The following ZNF605 variants were observed in gnomAD, a reference collection of about 807,000 sequenced individuals.
ZNF605 encodes zinc finger protein 605.
Under a neutral mutation model 7.9 loss-of-function variants are expected in ZNF605, and 9 were observed. That is an observed-to-expected ratio of 1.14 (90% CI 0.68 to 1.98). ZNF605 has a LOEUF of 1.98. Among genes scored for constraint, ZNF605 ranks in the 30% most tolerant of loss-of-function variants. The pLI, the probability that ZNF605 is intolerant of heterozygous loss-of-function variation, is 0.00. For synonymous variants in ZNF605, 255 were observed against 260.1 expected (o/e 0.98, Z 0.19); for missense variants, 673 against 762.4 (o/e 0.88, Z 1.38).
intron 1 of ZNF605, among the ~76,000 whole-genome samples, chr12:132,951,746 A>T (rs1175428550): frequency 6.6e-6 from 1 of 151,958 alleles, no homozygotes; most frequent in Non-Finnish European, 1.5e-5. Context: ...ACACATACAC[A>T]TGTACAACAC....
At chr12:132,950,053 G>A (rs373977578) in intron 1 of ZNF605, among the ~76,000 whole-genome samples, 1 of 151,882 alleles carries the variant, frequency 6.6e-6, no homozygotes, top group Admixed American at 6.6e-5. Context: ...CACAGAGGTC[G>A]GGGGCTCTAC....
intron 4 of ZNF605, among the ~76,000 whole-genome samples, chr12:132,931,050 G>T (rs1952303709): frequency 1.3e-5 from 2 of 152,138 alleles, no homozygotes; most frequent in Admixed American, 1.3e-4. Context: ...TTAGCTTGGT[G>T]TGGTGGTAGT....
chr12:132,930,893 A>G (rs1350238228), intron 4 of ZNF605, among the ~76,000 whole-genome samples: 1 of 152,076 alleles, frequency 6.6e-6, no homozygotes, highest in African/African-American at 2.4e-5. Context: ...CTGTAATCTC[A>G]GTTTCCCTGC....
chr12:132,937,826 G>A (rs1952383770), intron 3 of ZNF605, among the ~76,000 whole-genome samples: 1 of 152,184 alleles, frequency 6.6e-6, no homozygotes, highest in African/African-American at 2.4e-5. Context: ...TGAATGGATA[G>A]AGACTGTGGC....
Position 132,927,035 on chromosome 12 carries a change from T to C in ZNF605, c.264A>G (p.Val88=). 1.2e-6 allele frequency: 2 copies of C among 1,609,350 alleles called. No homozygotes were observed. The highest frequency in any genetic ancestry group is 1.7e-6 in the Non-Finnish European group (2 of 1,179,906). ...IFNSSINIVH[V]GLRSHKCGTG... Reference sequence around the variant, plus strand: ...TGCCACATTTATGGGATCGCAGTCCTACATGAACAATGTTTATGCTTGAAT... The same window carrying C: ...TGCCACATTTATGGGATCGCAGTCCCACATGAACAATGTTTATGCTTGAAT... Residue 88 remains valine (V), a synonymous_variant, in exon 5 of 5, where the codon GTA becomes GTG. Coordinates refer to ENST00000360187, the MANE Select transcript of ZNF605 (RefSeq NM_183238.4).
At chr12:132,948,826 C>T (rs1339983204) in intron 1 of ZNF605, among the ~76,000 whole-genome samples, 5 of 152,220 alleles carry the variant, frequency 3.3e-5, no homozygotes, top group Non-Finnish European at 1.5e-5. Flanking sequence ...AAGGGTCGTT[C>T]CCAGGTGACC....
intron 2 of ZNF605, among the ~76,000 whole-genome samples, chr12:132,947,670 G>A (rs1401638978): frequency 6.6e-6 from 1 of 152,096 alleles, no homozygotes; most frequent in African/African-American, 2.4e-5. Context: ...CTTTTGTGAA[G>A]AGGTCTTCTG....
chr12:132,944,705 C>T (rs1952480334), intron 3 of ZNF605: 1 of 152,200 alleles, frequency 6.6e-6, no homozygotes, highest in East Asian at 1.9e-4. Context: ...TGAGGAGCTC[C>T]AAGAAATAGT....
intron 3 of ZNF605, among the ~76,000 whole-genome samples, chr12:132,938,046 T>C (rs1003960198): frequency 6.6e-6 from 1 of 152,260 alleles, no homozygotes; most frequent in Non-Finnish European, 1.5e-5. Flanking sequence ...AGTGGCGCGA[T>C]CTCGGCTCAT....
chr12:132,948,403 A>G (rs1952517700), intron 1 of ZNF605, 133 bp from the exon 2 acceptor site: 1 of 152,268 alleles, frequency 6.6e-6, no homozygotes, highest in Non-Finnish European at 1.5e-5. Context: ...GAGCGAGGCC[A>G]CGTGGCCTAG....
At chr12:132,935,676 A>T (rs981023492) in intron 3 of ZNF605, among the ~76,000 whole-genome samples, 6,679 of 130,188 alleles carry the variant, frequency 0.051, no homozygotes, top group Non-Finnish European at 0.073. Context: ...GTGGATCACG[A>T]GGTAAGGAGA....
rs971067637 is a variant in ZNF605 at position 132,936,928 on chromosome 12, G to T, written c.16-3773C>A. On this transcript the variant is annotated intron_variant, in intron 3 of 4. Coordinates refer to ENST00000360187, the MANE Select transcript of ZNF605 (RefSeq NM_183238.4). ...CAATGTTAAGAGAAAGAGAAGGCACGGCACAGACTAAGAGAAAATTATTTG... is the reference window on the plus strand; with the variant it reads ...CAATGTTAAGAGAAAGAGAAGGCACTGCACAGACTAAGAGAAAATTATTTG... Among the ~76,000 whole-genome samples, 3 of 152,090 alleles carry T rather than the reference G, an allele frequency of 2.0e-5. 1 individual carries two copies. The highest frequency in any genetic ancestry group is 4.1e-4 in the South Asian group (2 of 4,826).
chr12:132,931,616 A>C (rs1952309834), intron 4 of ZNF605, among the ~76,000 whole-genome samples: 1 of 152,194 alleles, frequency 6.6e-6, no homozygotes, highest in Non-Finnish European at 1.5e-5. Context: ...GCTCAGATGG[A>C]GTTAATAATG....
chr12:132,949,353 C>CTGA lies in ZNF605; in HGVS notation c.-285-1084_-285-1083insTCA, dbSNP rs1952533675. Among the ~76,000 whole-genome samples the CTGA allele has an allele frequency of 1.3e-5, 2 of 152,222 alleles. 1 individual carries two copies. Among genetic ancestry groups the CTGA allele is most frequent in the South Asian group, 4.1e-4 (2 of 4,834 alleles). The stretch of plus-strand genomic sequence containing the variant: ...CACGTATGATGGGCGCACTGCCTCC[C>CTGA]TTTCACTGTTTCGCCCTGAACGTCT... On this transcript the variant is annotated intron_variant, in intron 1 of 4. Transcript: ENST00000360187.
At chr12:132,929,097 TC>T (rs1364455598) in intron 4 of ZNF605, among the ~76,000 whole-genome samples, 1 of 151,948 alleles carries the variant, frequency 6.6e-6, no homozygotes, top group African/African-American at 2.4e-5. Context: ...CTCATCTAAT[TC>T]TCAGATATCA....
At position 132,920,309 on chromosome 12, in the gene ZNF605, T is replaced by A. The variant is rs1952192642; in HGVS notation, c.*5064A>T. The A allele has an allele frequency of 6.6e-6, 1 of 152,050 alleles. No homozygotes were observed. The highest frequency in any genetic ancestry group is 2.4e-5 in the African/African-American group (1 of 41,354). The allele number at this position is 152,050 out of a possible 1,614,324, so 9.4% of individuals were successfully genotyped here. On this transcript the variant is annotated 3_prime_UTR_variant, in exon 5 of 5. Coordinates refer to ENST00000360187, the MANE Select transcript of ZNF605 (RefSeq NM_183238.4). Reference sequence around the variant, plus strand: ...CGCTGGCCACCTCACCTGGCTAATTTTTTGTATTTTTAGTAGAGACGGGGT... The same window carrying A: ...CGCTGGCCACCTCACCTGGCTAATTATTTGTATTTTTAGTAGAGACGGGGT...
In ZNF605 at chr12:132,923,225, G is replaced by A. The variant is rs372582875; in HGVS notation, c.*2148C>T. 1.3e-5 allele frequency: 2 copies of A among 152,062 alleles called. No homozygotes were observed. Among genetic ancestry groups the A allele is most frequent in the African/African-American group, 2.4e-5 (1 of 41,392 alleles). 9.4% of individuals were successfully genotyped at this position (152,062 alleles called of 1,614,324 possible). A position where few individuals can be genotyped will look rare whatever the true frequency, so the allele number is the denominator to read the frequency against. On this transcript the variant is annotated 3_prime_UTR_variant, in exon 5 of 5. Coordinates refer to ENST00000360187, the MANE Select transcript of ZNF605 (RefSeq NM_183238.4). ...TAAGCAGCCAATTCCCTTTTAAAAA[G>A]ATTTTAAAAAGAGAGAAATATCTTT...
chr12:132,939,848 G>GC (rs1425776374), intron 3 of ZNF605, among the ~76,000 whole-genome samples: 7 of 144,832 alleles, frequency 4.8e-5, no homozygotes, highest in Non-Finnish European at 1.0e-4. Flanking sequence ...TCACTCCTGA[G>GC]CCAGCGAGAC....
intron 3 of ZNF605, among the ~76,000 whole-genome samples, chr12:132,939,062 C>A (rs1952401973): frequency 6.6e-6 from 1 of 151,476 alleles, no homozygotes; most frequent in Admixed American, 6.6e-5. Context: ...CCATGCGGCC[C>A]CAGCCTCCCT....
Sources: gnomAD v4.1 joint callset for allele counts (sites outside exome capture counted in the v4.1 genomes callset) on GRCh38, gnomAD v4.1.1 for gene constraint, MANE v1.5 for transcripts, NCBI Gene and HGNC (gene_info 2026-07-23, HGNC 2026-07-21) for gene names.